Variants in QSER1 observed in about 807,000 individuals in gnomAD.
QSER1 encodes the protein glutamine and serine rich 1.
In QSER1, 49 loss-of-function variants were observed where a neutral mutation model predicts 158.5. That is an observed-to-expected ratio of 0.31 (90% CI 0.25 to 0.39). QSER1 has a LOEUF of 0.39. QSER1 is among the 10% of genes least tolerant of loss of function. The pLI, the probability that QSER1 is intolerant of heterozygous loss-of-function variation, is 1.00. For synonymous variants in QSER1, 650 were observed against 715.5 expected (o/e 0.91, Z 1.46); for missense variants, 1,754 against 2,010.3 (o/e 0.87, Z 2.44).
intron 1 of QSER1, among the ~76,000 whole-genome samples, chr11:32,913,158 C>T (rs1325042973): frequency 6.8e-6 from 1 of 147,742 alleles, no homozygotes; most frequent in African/African-American, 2.5e-5. Flanking sequence ...TTTTGCTTTC[C>T]CTGGATAATT....
chr11:32,904,831 A>G (rs569159892), intron 1 of QSER1, among the ~76,000 whole-genome samples: 1 of 152,184 alleles, frequency 6.6e-6, no homozygotes, highest in South Asian at 2.1e-4. Context: ...ATCACCATCA[A>G]CCCTGCTTAA....
At chr11:32,918,102 A>G (rs1851858434) in intron 1 of QSER1, among the ~76,000 whole-genome samples, 1 of 152,154 alleles carries the variant, frequency 6.6e-6, no homozygotes, top group African/African-American at 2.4e-5. Flanking sequence ...GTAGGCACTC[A>G]GTAGAAGTTT....
At chr11:32,939,432 GGTTT>G (rs1355602210) in intron 4 of QSER1, among the ~76,000 whole-genome samples, 1 of 151,804 alleles carries the variant, frequency 6.6e-6, no homozygotes, top group Admixed American at 6.6e-5. Context: ...TTTTTTTTAA[GGTTT>G]GTTTTAGTTC....
Position 32,935,246 on chromosome 11 carries a change from A to ATT in QSER1, c.3988_3989insTT (p.Thr1330IlefsTer4), listed in dbSNP as rs751377117. 3.1e-6 allele frequency: 5 copies of ATT among 1,613,774 alleles called. No individual in the cohort carries two copies. The African/African-American group carries it at 5.3e-5, about 17-fold the overall frequency. Reference sequence around the variant, plus strand: ...TCCCAAGCCTTCATCTACAACACCCACACCTTTAGTGTCTGAAACTGGCGG... The same window carrying ATT: ...TCCCAAGCCTTCATCTACAACACCCATTCACCTTTAGTGTCTGAAACTGGCGG... On this transcript the variant is annotated frameshift_variant, in exon 4 of 13. Transcript: ENST00000650167. LOFTEE classifies it high-confidence loss of function.
Position 32,976,597 on chromosome 11 carries a change from C to CCTTCAGCAGAGGTGGTA in QSER1, c.*123_*124insCTTCAGCAGAGGTGGTA. 1 of 1,040,508 alleles carries CCTTCAGCAGAGGTGGTA rather than the reference C, an allele frequency of 9.6e-7. No homozygotes were observed. Among genetic ancestry groups the CCTTCAGCAGAGGTGGTA allele is most frequent in the Non-Finnish European group, 1.4e-6 (1 of 695,274 alleles). 64.5% of individuals were successfully genotyped at this position (1,040,508 alleles called of 1,614,324 possible). On this transcript the variant is annotated 3_prime_UTR_variant, in exon 13 of 13. Transcript: ENST00000650167. Reference sequence around the variant, plus strand: ...CCGGCCGCTTCCATCATGGAACTGTCATTACCACCTCTGCTGAAGGACAGT... The same window carrying CCTTCAGCAGAGGTGGTA: ...CCGGCCGCTTCCATCATGGAACTGTCCTTCAGCAGAGGTGGTAATTACCACCTCTGCTGAAGGACAGT...
intron 4 of QSER1, among the ~76,000 whole-genome samples, chr11:32,938,270 G>A (rs1163987269): frequency 1.3e-5 from 2 of 152,176 alleles, no homozygotes; most frequent in Admixed American, 6.6e-5. Context: ...CACAACCTGA[G>A]TCATTAATTG....
intron 4 of QSER1, among the ~76,000 whole-genome samples, chr11:32,937,521 C>T (rs765455382): frequency 1.3e-4 from 20 of 152,208 alleles, no homozygotes; most frequent in African/African-American, 4.6e-4. Flanking sequence ...CTCCTGGCCT[C>T]GAGCAGTCCT....
intron 1 of QSER1, among the ~76,000 whole-genome samples, chr11:32,922,134 A>G (rs891209546): frequency 6.6e-5 from 10 of 152,226 alleles, no homozygotes; most frequent in Admixed American, 3.3e-4. Context: ...AGTTAATACT[A>G]TAAAACTTCC....
At chr11:32,913,464 A>G (rs1423246212) in intron 1 of QSER1, among the ~76,000 whole-genome samples, 2 of 151,884 alleles carry the variant, frequency 1.3e-5, no homozygotes, top group African/African-American at 4.8e-5. Context: ...AAGTGCTGGG[A>G]TTACAGGTGC....
chr11:32,914,280 T>G (rs2133514226), intron 1 of QSER1, among the ~76,000 whole-genome samples: 1 of 152,314 alleles, frequency 6.6e-6, no homozygotes, highest in African/African-American at 2.4e-5. Flanking sequence ...ATTATGTACT[T>G]TGCTCAAAGT....
chr11:32,928,478 A>T (rs994128364), intron 3 of QSER1, among the ~76,000 whole-genome samples: 11 of 152,216 alleles, frequency 7.2e-5, no homozygotes, highest in African/African-American at 2.4e-4. Context: ...TAGTAAAAAA[A>T]ATCTTGGGAC....
chr11:32,950,072 A>G (rs532810162), intron 4 of QSER1, among the ~76,000 whole-genome samples: 5 of 152,206 alleles, frequency 3.3e-5, no homozygotes, highest in African/African-American at 1.2e-4. Context: ...GCTTAGTACA[A>G]TTAAGGGGAT....
intron 1 of QSER1, among the ~76,000 whole-genome samples, chr11:32,915,038 G>GC (rs910328884): frequency 6.6e-6 from 1 of 152,010 alleles, no homozygotes; most frequent in Non-Finnish European, 1.5e-5. Context: ...TCCCACCTTA[G>GC]CCCCCCTGAG....
At chr11:32,918,962 C>G (rs1318961820) in intron 1 of QSER1, among the ~76,000 whole-genome samples, 1 of 152,128 alleles carries the variant, frequency 6.6e-6, no homozygotes, top group African/African-American at 2.4e-5. Context: ...CATACACCCC[C>G]CACCTAGTTT....
intron 8 of QSER1, among the ~76,000 whole-genome samples, chr11:32,963,067 C>A (rs1852655766): frequency 6.6e-6 from 1 of 152,200 alleles, no homozygotes. Flanking sequence ...GCTATTTCAT[C>A]ACACAGAATA....
At chr11:32,918,640 G>C (rs1851864870) in intron 1 of QSER1, among the ~76,000 whole-genome samples, 1 of 151,700 alleles carries the variant, frequency 6.6e-6, no homozygotes, top group Admixed American at 6.6e-5. Flanking sequence ...TTCATGATTT[G>C]ATTTTACCTT....
At chr11:32,955,520 G>C (rs1052703539) in intron 6 of QSER1, 108 bp downstream of exon 6, 3 of 565,894 alleles carry the variant, frequency 5.3e-6, no homozygotes, top group African/African-American at 4.0e-5. Flanking sequence ...ATATAAAGTA[G>C]CATATAATTT....
At position 32,933,045 on chromosome 11, in the gene QSER1, C is replaced by T. The variant is rs775811443; in HGVS notation, c.1787C>T (p.Thr596Ile). The T allele has an allele frequency of 5.6e-6, 9 of 1,612,956 alleles. No individual in the cohort carries two copies. The East Asian group carries it at 6.7e-5, about 12-fold the overall frequency. ...AGCTATGCTTCAGGGGAGTCCCTAACATTAACAGCCCCTTCTCTTTCTTAT... is the reference window on the plus strand; with the variant it reads ...AGCTATGCTTCAGGGGAGTCCCTAATATTAACAGCCCCTTCTCTTTCTTAT... ...SESYASGESL[T>I]LTAPSLSYSS... Residue 596 changes from threonine to isoleucine, a missense_variant, in exon 4 of 13, where the codon ACA (threonine) becomes ATA (isoleucine). This residue lies in a region of QSER1 where 1,707 missense variants were observed against 1,919.6 expected (regional missense o/e 0.89). Transcript: ENST00000650167.
chr11:32,924,341 A>AT (rs1188885538), intron 1 of QSER1, among the ~76,000 whole-genome samples: 1 of 151,972 alleles, frequency 6.6e-6, no homozygotes, highest in Non-Finnish European at 1.5e-5. Context: ...AAGTGGGTAG[A>AT]TTGCTTGTTT....
Sources: gnomAD v4.1 joint callset for allele counts (sites outside exome capture counted in the v4.1 genomes callset) on GRCh38, gnomAD v4.1.1 for gene constraint, gnomAD v4.1.1 regional missense constraint, MANE v1.5 for transcripts, NCBI Gene and HGNC (gene_info 2026-07-23, HGNC 2026-07-21) for gene names.